Variants in STPG2 observed in about 807,000 individuals in gnomAD.
STPG2 encodes the protein sperm tail PG-rich repeat containing 2, also known as sperm-tail PG-rich repeat-containing protein 2.
In STPG2, 56 loss-of-function variants were observed where a neutral mutation model predicts 54.2. The ratio of observed to expected loss-of-function variants is 1.03; its 90% CI spans 0.83 to 1.29. STPG2 has a LOEUF of 1.29. STPG2 is among the 50% of genes most tolerant of loss of function. The pLI is 0.00. For missense variants in STPG2, 596 were observed against 544.9 expected, an observed-to-expected ratio of 1.09 and a Z score of -0.93; for synonymous variants, 200 against 181.8, an observed-to-expected ratio of 1.10 and a Z score of -0.81.
intron 4 of STPG2, among the ~76,000 whole-genome samples, chr4:97,465,312 A>T (rs1030053591): frequency 1.5e-4 from 23 of 152,202 alleles, no homozygotes; most frequent in African/African-American, 5.5e-4. Flanking sequence ...TTGTTTTTAG[A>T]TGGGTCCAAA....
intron 7 of STPG2, among the ~76,000 whole-genome samples, chr4:97,952,601 G>T (rs1292676585): frequency 1.3e-5 from 2 of 152,136 alleles, no homozygotes; most frequent in Non-Finnish European, 2.9e-5. Flanking sequence ...GGGAAAGTCT[G>T]CAAGGGATCC....
intron 6 of STPG2, among the ~76,000 whole-genome samples, chr4:97,980,230 A>T (rs1271811256): frequency 6.6e-6 from 1 of 152,156 alleles, no homozygotes; most frequent in Non-Finnish European, 1.5e-5. Flanking sequence ...TGAAATTATG[A>T]CATAATTACA....
chr4:97,850,093 A>G (rs988616634), intron 8 of STPG2, among the ~76,000 whole-genome samples: 2 of 151,460 alleles, frequency 1.3e-5, no homozygotes, highest in African/African-American at 4.9e-5. Flanking sequence ...ATGCAGCCAT[A>G]AAAAATGATG....
chr4:97,813,707 A>AAAC (rs1727816159), intron 9 of STPG2, among the ~76,000 whole-genome samples: 1 of 142,466 alleles, frequency 7.0e-6, no homozygotes, highest in African/African-American at 2.6e-5. Flanking sequence ...AAAAAAAAAA[A>AAAC]AAAAGCATGT....
chr4:97,965,333 C>T (rs1473778336), intron 7 of STPG2, among the ~76,000 whole-genome samples: 1 of 152,206 alleles, frequency 6.6e-6, no homozygotes, highest in Non-Finnish European at 1.5e-5. Context: ...AACAAAGCAG[C>T]TGCGAAGCTC....
At chr4:97,891,401 T>C (rs1406049822) in intron 8 of STPG2, among the ~76,000 whole-genome samples, 1 of 152,060 alleles carries the variant, frequency 6.6e-6, no homozygotes, top group East Asian at 1.9e-4. Flanking sequence ...GTAACAGACA[T>C]TTTGAGAACA....
chr4:97,654,131 G>C (rs1212559596), intron 10 of STPG2, among the ~76,000 whole-genome samples: 1 of 152,096 alleles, frequency 6.6e-6, no homozygotes, highest in Non-Finnish European at 1.5e-5. Flanking sequence ...GCTGAAAGTT[G>C]GCTGGAACTC....
At chr4:98,121,732 T>TGC (rs1739686113) in intron 3 of STPG2, among the ~76,000 whole-genome samples, 1 of 151,676 alleles carries the variant, frequency 6.6e-6, no homozygotes, top group African/African-American at 2.4e-5. Context: ...TTTTTTTGTG[T>TGC]GTGTGTGTGT....
intron 5 of STPG2, among the ~76,000 whole-genome samples, chr4:97,984,214 G>A (rs948063754): frequency 1.3e-5 from 2 of 151,550 alleles, no homozygotes; most frequent in Non-Finnish European, 2.9e-5. Flanking sequence ...GCGCAATCTC[G>A]ACTCACTGGA....
Position 98,109,676 on chromosome 4 carries a change from A to G in STPG2, c.388-371T>C, listed in dbSNP as rs1739290518. On this transcript the variant is annotated intron_variant, in intron 3 of 10. Coordinates refer to ENST00000295268, the MANE Select transcript of STPG2 (RefSeq NM_174952.3). ...CATTATTTGGGAAATAGAAATACCT[A>G]TTAAAAATTACCTTAACTAAACAGA... Among the ~76,000 whole-genome samples the G allele has an allele frequency of 2.0e-5, 3 of 152,212 alleles. No individual in the cohort carries two copies. The South Asian group carries it at 6.2e-4, about 31-fold the overall frequency.
At chr4:98,078,580 A>G (rs1255280886) in intron 5 of STPG2, among the ~76,000 whole-genome samples, 2 of 151,892 alleles carry the variant, frequency 1.3e-5, no homozygotes, top group African/African-American at 2.4e-5. Context: ...TTAAAAAAAA[A>G]AAAGAAAAGA....
chr4:97,477,770 G>A (rs868654479), intron 4 of STPG2, among the ~76,000 whole-genome samples: 3 of 151,880 alleles, frequency 2.0e-5, no homozygotes, highest in Admixed American at 6.6e-5. Flanking sequence ...GATTACAGAC[G>A]TGAGGAACCG....
intron 10 of STPG2, among the ~76,000 whole-genome samples, chr4:97,697,761 C>T (rs553199153): frequency 3.3e-5 from 5 of 152,148 alleles, no homozygotes; most frequent in Admixed American, 2.0e-4. Context: ...GCAAGTAACA[C>T]CTGGCCCACC....
intron 9 of STPG2, among the ~76,000 whole-genome samples, chr4:97,720,776 T>C (rs1164877525): frequency 6.6e-6 from 1 of 151,978 alleles, no homozygotes; most frequent in African/African-American, 2.4e-5. Context: ...AATCAAGTTG[T>C]CTTCAAATCT....
chr4:97,896,694 T>C (rs1178566640), intron 8 of STPG2, among the ~76,000 whole-genome samples: 1 of 151,774 alleles, frequency 6.6e-6, no homozygotes, highest in African/African-American at 2.4e-5. Context: ...AAATTTCACA[T>C]CAAATAAATA....
intron 9 of STPG2, among the ~76,000 whole-genome samples, chr4:97,728,629 A>G (rs949808773): frequency 1.3e-5 from 2 of 151,880 alleles, no homozygotes; most frequent in Non-Finnish European, 2.9e-5. Flanking sequence ...CCAGAAAGAG[A>G]GTCACTTTCA....
chr4:97,799,716 T>C (rs1383964983), intron 9 of STPG2, among the ~76,000 whole-genome samples: 3 of 152,140 alleles, frequency 2.0e-5, no homozygotes, highest in South Asian at 2.1e-4. Flanking sequence ...TTTCCTGAAT[T>C]TGAATGTTGG....
At chr4:97,953,501 C>T (rs949124176) in intron 7 of STPG2, among the ~76,000 whole-genome samples, 15 of 152,232 alleles carry the variant, frequency 9.9e-5, no homozygotes, top group African/African-American at 3.4e-4. Context: ...AGCACACTTC[C>T]CACCTTCTCC....
chr4:97,554,406 A>G (rs1374849420), downstream of STPG2, among the ~76,000 whole-genome samples: 1 of 152,130 alleles, frequency 6.6e-6, no homozygotes, highest in Admixed American at 6.6e-5. Context: ...GGAAAATAGG[A>G]TATCTTTTTC....
Sources: gnomAD v4.1 joint callset for allele counts (sites outside exome capture counted in the v4.1 genomes callset) on GRCh38, gnomAD v4.1.1 for gene constraint, MANE v1.5 for transcripts, NCBI Gene and HGNC (gene_info 2026-07-23, HGNC 2026-07-21) for gene names.